Variants in C3orf33 observed in about 807,000 individuals in gnomAD.
C3orf33 encodes mitochondrial inner membrane subdomain organizer 1, also known as AP-1 activity suppressor.
Under a neutral mutation model 28.7 loss-of-function variants are expected in C3orf33, and 23 were observed. That is an observed-to-expected ratio of 0.80 (90% confidence interval 0.58 to 1.13). C3orf33 has a LOEUF of 1.13. Ranked by LOEUF, C3orf33 falls within the 50% of genes most tolerant of loss-of-function variation. C3orf33 has a pLI of 0.00. For synonymous variants in C3orf33, 119 were observed against 120.5 expected, an observed-to-expected ratio of 0.99 and a Z score of 0.08; for missense variants, 327 against 353.4, an observed-to-expected ratio of 0.93 and a Z score of 0.60.
intron 2 of C3orf33, among the ~76,000 whole-genome samples, chr3:155,798,632 A>C (rs1465812876): frequency 6.6e-6 from 1 of 152,196 alleles, no homozygotes; most frequent in Non-Finnish European, 1.5e-5. Context: ...AAATGCATTA[A>C]AGACTTAAAT....
intron 2 of C3orf33, among the ~76,000 whole-genome samples, chr3:155,790,925 G>A (rs1751295420): frequency 6.6e-6 from 1 of 152,174 alleles, no homozygotes. Flanking sequence ...AAATCCTGGT[G>A]CCGTGTTGGC....
At chr3:155,767,484 C>T (rs1750445197) in intron 4 of C3orf33, 25 bp downstream of exon 4, 1 of 1,449,220 alleles carries the variant, frequency 6.9e-7, no homozygotes, top group Non-Finnish European at 9.3e-7. Flanking sequence ...TAAGATATTG[C>T]TAGTTATTTC....
intron 2 of C3orf33, among the ~76,000 whole-genome samples, chr3:155,781,768 C>CAAAA (rs36059033): frequency 1.6e-5 from 1 of 64,502 alleles, no homozygotes; most frequent in Non-Finnish European, 2.9e-5. Flanking sequence ...GACTCTATCT[C>CAAAA]AAAAAAAAAA....
rs138979201 is a variant in C3orf33, at chr3:155,786,902, A to C, written c.175-11054T>G. Among the ~76,000 whole-genome samples the C allele has an allele frequency of 4.6e-3, 704 of 152,320 alleles. 10 individuals are homozygous for C. Among genetic ancestry groups the C allele is most frequent in the African/African-American group, 0.016 (657 of 41,582 alleles). On this transcript the variant is annotated intron_variant, in intron 2 of 4. Coordinates refer to ENST00000340171, the MANE Select transcript of C3orf33 (RefSeq NM_001308229.2). ...AAGTAAAAATCCAAATCCAAGTAGA[A>C]CTAAAACTGTTAAGAAAGTTAAATC...
In C3orf33 at chr3:155,763,768, C is replaced by G; in HGVS notation, c.634G>C (p.Gly212Arg). The G allele has an allele frequency of 6.2e-7, 1 of 1,605,220 alleles. No individual in the cohort carries two copies. The highest frequency in any genetic ancestry group is 8.5e-7 in the Non-Finnish European group (1 of 1,177,220). ...GAGTCTTCCTTCCATATTCCTTCTCCTTTTTTTAAGGCTGTTAATTCAGCT... is the reference window on the plus strand; with the variant it reads ...GAGTCTTCCTTCCATATTCCTTCTCGTTTTTTTAAGGCTGTTAATTCAGCT... ...LKAELTALKK[G>R]EGIWKEDSEK... Residue 212 changes from glycine to arginine, a missense_variant, in exon 5 of 5, where the codon GGA becomes CGA. Gly to Arg is a moderately radical substitution (Grantham distance 125). Transcript: ENST00000340171.
chr3:155,782,027 C>T (rs1750939865), intron 2 of C3orf33, among the ~76,000 whole-genome samples: 1 of 151,816 alleles, frequency 6.6e-6, no homozygotes, highest in Admixed American at 6.6e-5. Context: ...AGTGAGCCAA[C>T]ATGGCGAAAC....
intron 2 of C3orf33, among the ~76,000 whole-genome samples, chr3:155,777,992 A>C (rs950501882): frequency 4.6e-5 from 7 of 152,160 alleles, no homozygotes; most frequent in Non-Finnish European, 8.8e-5. Context: ...TCTACTAAAA[A>C]TACAAAAATT....
chr3:155,778,225 C>T (rs1235802645), intron 2 of C3orf33, among the ~76,000 whole-genome samples: 1 of 149,316 alleles, frequency 6.7e-6, no homozygotes, highest in Non-Finnish European at 1.5e-5. Context: ...AAATATAATG[C>T]ATGATCCTTG....
chr3:155,773,727 A>G (rs1750656671), intron 3 of C3orf33, among the ~76,000 whole-genome samples: 1 of 152,228 alleles, frequency 6.6e-6, no homozygotes, highest in African/African-American at 2.4e-5. Context: ...TAGACATGCA[A>G]TGCATAGCCT....
intron 2 of C3orf33, among the ~76,000 whole-genome samples, chr3:155,797,965 G>T (rs1751527489): frequency 6.6e-6 from 1 of 152,038 alleles, no homozygotes; most frequent in African/African-American, 2.4e-5. Flanking sequence ...CAGCTACTTG[G>T]GAGGCTGAGG....
intron 4 of C3orf33, among the ~76,000 whole-genome samples, chr3:155,766,636 G>C (rs980015091): frequency 1.3e-5 from 2 of 152,190 alleles, no homozygotes; most frequent in African/African-American, 4.8e-5. Flanking sequence ...GCCTAAATTA[G>C]CAATGCCCAG....
intron 2 of C3orf33, among the ~76,000 whole-genome samples, chr3:155,780,726 T>C (rs73159017): frequency 0.098 from 14,985 of 152,142 alleles, 996 homozygotes; most frequent in Middle Eastern, 0.16. Flanking sequence ...TCACTCTCCC[T>C]GCATCCTTTC....
intron 2 of C3orf33, among the ~76,000 whole-genome samples, chr3:155,783,856 T>G: frequency 6.6e-6 from 1 of 152,358 alleles, no homozygotes; most frequent in Middle Eastern, 3.4e-3. Context: ...GTTTTCTACA[T>G]AATTTTAAAG....
intron 2 of C3orf33, among the ~76,000 whole-genome samples, chr3:155,792,817 C>T (rs919934840): frequency 1.3e-5 from 2 of 152,046 alleles, no homozygotes; most frequent in Admixed American, 6.6e-5. Flanking sequence ...AAGAATCAAA[C>T]ACTCTTACAG....
chr3:155,803,362 G>A (rs572039808), intron 1 of C3orf33, among the ~76,000 whole-genome samples: 16 of 151,684 alleles, frequency 1.1e-4, no homozygotes, highest in East Asian at 5.9e-4. Context: ...CCAGGAGATC[G>A]AGACCATCCT....
At chr3:155,789,520 T>C (rs958395190) in intron 2 of C3orf33, among the ~76,000 whole-genome samples, 1 of 152,070 alleles carries the variant, frequency 6.6e-6, no homozygotes, top group Non-Finnish European at 1.5e-5. Flanking sequence ...AAATTTAATA[T>C]TGTTTAAATG....
chr3:155,802,738 C>A (rs550352679), intron 1 of C3orf33, 147 bp from the exon 2 acceptor site: 43 of 573,418 alleles, frequency 7.5e-5, no homozygotes, highest in Non-Finnish European at 1.2e-4. Flanking sequence ...AGGCCCACTT[C>A]TTCAAAAACT....
rs1386563010 is a variant in C3orf33, at chr3:155,762,622, C to A, written c.*895G>T. The A allele has an allele frequency of 6.6e-6, 1 of 152,098 alleles. No homozygotes were observed. Among genetic ancestry groups the A allele is most frequent in the Non-Finnish European group, 1.5e-5 (1 of 68,018 alleles). 9.4% of individuals were successfully genotyped at this position (152,098 alleles called of 1,614,324 possible). A position where few individuals can be genotyped will look rare whatever the true frequency, so the allele number is the denominator to read the frequency against. The stretch of plus-strand genomic sequence containing the variant: ...GAAAAAAGCTACTTTGGACATAAAG[C>A]ATAAAGAATTCCTTTATTATAAATA... On this transcript the variant is annotated 3_prime_UTR_variant, in exon 5 of 5. Coordinates refer to ENST00000340171, the MANE Select transcript of C3orf33 (RefSeq NM_001308229.2).
At chr3:155,788,431 T>C in intron 2 of C3orf33, among the ~76,000 whole-genome samples, 1 of 151,990 alleles carries the variant, frequency 6.6e-6, no homozygotes, top group East Asian at 1.9e-4. Flanking sequence ...ATGCCTATAA[T>C]CCTAGCACTT....
Sources: allele counts gnomAD v4.1 joint callset (sites outside exome capture counted in the v4.1 genomes callset), GRCh38; gene constraint gnomAD v4.1.1; transcripts MANE v1.5; gene names NCBI Gene and HGNC (gene_info 2026-07-23, HGNC 2026-07-21).